Variants in PCDHA3 observed in about 807,000 individuals in gnomAD.
PCDHA3 encodes the protein protocadherin alpha-3.
In PCDHA3, 41 loss-of-function variants were observed where a neutral mutation model predicts 62.2. The ratio of observed to expected loss-of-function variants is 0.66; its 90% CI spans 0.51 to 0.86. The LOEUF is 0.86. PCDHA3 is among the 40% of genes least tolerant of loss of function. The pLI, the probability that PCDHA3 is intolerant of heterozygous loss-of-function variation, is 0.00. For missense variants in PCDHA3, 1,304 were observed against 1,241.2 expected (o/e 1.05, Z -0.76); for synonymous variants, 640 against 555.4 (o/e 1.15, Z -2.14).
At chr5:140,899,714 T>C (rs1554188719) in intron 1 of PCDHA3, among the ~76,000 whole-genome samples, 1 of 152,242 alleles carries the variant, frequency 6.6e-6, no homozygotes, top group African/African-American at 2.4e-5. Context: ...TAGGGAGGAT[T>C]CCCTCTTTTT....
At chr5:140,973,272 TC>T (rs1412629943) in intron 1 of PCDHA3, among the ~76,000 whole-genome samples, 1 of 152,134 alleles carries the variant, frequency 6.6e-6, no homozygotes, top group African/African-American at 2.4e-5. Flanking sequence ...TACTTTTATT[TC>T]CCCCAGCACT....
intron 1 of PCDHA3, chr5:140,867,929 GTTT>G (rs1459004552): frequency 6.6e-6 from 1 of 151,990 alleles, no homozygotes; most frequent in Non-Finnish European, 1.5e-5. Context: ...CACTTCCCTT[GTTT>G]TCCATGAACT....
Position 140,801,540 on chromosome 5 carries a change from C to G in PCDHA3, c.343C>G (p.Gln115Glu). ...HLEVIVDRPLQVFHVEVEVKD... is the reference protein window; with the variant it reads ...HLEVIVDRPLEVFHVEVEVKD... The stretch of plus-strand genomic sequence containing the variant: ...GGAGGTGATCGTGGACAGGCCGCTG[C>G]AGGTTTTCCATGTGGAGGTGGAAGT... Residue 115 changes from glutamine (Q) to glutamate (E), a missense_variant, in exon 1 of 4, where the codon CAG becomes GAG. Transcript: ENST00000522353. 1 of 1,614,216 alleles carries G rather than the reference C, an allele frequency of 6.2e-7. No individual in the cohort carries two copies. The highest frequency in any genetic ancestry group is 1.3e-5 in the African/African-American group (1 of 75,068).
At chr5:140,967,272 T>C in intron 1 of PCDHA3, 2 of 1,613,412 alleles carry the variant, frequency 1.2e-6, no homozygotes, top group Non-Finnish European at 1.7e-6. Flanking sequence ...CGCTTTCACA[T>C]AGAGAGTGCG....
chr5:140,968,307 A>G (rs1554230602), intron 1 of PCDHA3: 1 of 1,613,964 alleles, frequency 6.2e-7, no homozygotes, highest in South Asian at 1.1e-5. Context: ...AGGGAGATTC[A>G]AGGGCTGCCA....
rs150382315 is a variant in PCDHA3, at chr5:140,929,255, G to A, written c.2395-49694G>A. 5.2e-5 allele frequency: 84 copies of A among 1,613,256 alleles called. No homozygotes were observed. In the South Asian group the frequency reaches 8.9e-4, roughly 17 times the overall value. On this transcript the variant is annotated intron_variant, in intron 1 of 3. Coordinates refer to ENST00000522353, the MANE Select transcript of PCDHA3 (RefSeq NM_018906.3). ...CTGCGAAATCTTGCCACTGGGGTAG[G>A]ACTGAATTTGCCAATATCCTGTATT...
chr5:140,928,550 C>A (rs781857799), intron 1 of PCDHA3: 1 of 1,614,160 alleles, frequency 6.2e-7, no homozygotes, highest in South Asian at 1.1e-5. Flanking sequence ...GACAATTATC[C>A]GGTTATCTTG....
chr5:140,993,934 C>T (rs936977793), intron 3 of PCDHA3, among the ~76,000 whole-genome samples: 5 of 152,044 alleles, frequency 3.3e-5, no homozygotes, highest in African/African-American at 1.2e-4. Context: ...AGAACATATC[C>T]CCATTGTTAA....
chr5:141,007,647 A>T (rs1554261419), intron 3 of PCDHA3, among the ~76,000 whole-genome samples: 1 of 152,174 alleles, frequency 6.6e-6, no homozygotes, highest in Admixed American at 6.5e-5. Context: ...GTATTTGCCT[A>T]AAAAACCATA....
At position 140,877,299 on chromosome 5, in the gene PCDHA3, C is replaced by A. The variant is rs374061607; in HGVS notation, c.2394+73708C>A. 1,401 of 1,613,926 alleles carry A rather than the reference C, an allele frequency of 8.7e-4. 20 individuals carry two copies. The South Asian group carries it at 0.013, about 15-fold the overall frequency. On this transcript the variant is annotated intron_variant, in intron 1 of 3. Transcript: ENST00000522353. ...CCGGCTATAACGCTTGGCTGTCCTA[C>A]GAGTTGCAACCGGCGGCGGTCGGCG...
Position 140,893,497 on chromosome 5 carries a change from GA to G in PCDHA3, c.2395-85443del, listed in dbSNP as rs1157700367. Among the ~76,000 whole-genome samples the G allele has an allele frequency of 3.1e-4, 47 of 150,168 alleles. No individual in the cohort carries two copies. The Middle Eastern group carries it at 0.01, about 33-fold the overall frequency. ...GCAAGACCCTGTTCTTCACAAAAAAGAAAAAAAAAGCAGTTGTAGAACTCCT... is the reference window on the plus strand; with the variant it reads ...GCAAGACCCTGTTCTTCACAAAAAAGAAAAAAAAGCAGTTGTAGAACTCCT... On this transcript the variant is annotated intron_variant, in intron 1 of 3. Transcript: ENST00000522353.
At chr5:140,960,629 A>C (rs1370416431) in intron 1 of PCDHA3, among the ~76,000 whole-genome samples, 1 of 152,192 alleles carries the variant, frequency 6.6e-6, no homozygotes, top group Admixed American at 6.5e-5. Flanking sequence ...TTTGAAATAT[A>C]TTTTTAAAAC....
rs2150375688 is a variant in PCDHA3, at chr5:140,844,999, T to C, written c.2394+41408T>C. 8.7e-5 allele frequency among the ~76,000 whole-genome samples: 13 copies of C among 149,338 alleles called. 1 individual carries two copies. Among genetic ancestry groups the C allele is most frequent in the African/African-American group, 4.9e-5 (2 of 40,784 alleles). ...TTGTTTTAAATCTTTTAATCACTTA[T>C]GAACAAATAATGTAATCATTTATGG... On this transcript the variant is annotated intron_variant, in intron 1 of 3. Transcript: ENST00000522353.
chr5:140,862,825 C>T (rs782012901), intron 1 of PCDHA3: 2 of 572,056 alleles, frequency 3.5e-6, no homozygotes, highest in Non-Finnish European at 6.7e-6. Context: ...GGTGAGAGCG[C>T]GCGACGCGGG....
intron 1 of PCDHA3, chr5:140,861,780 G>A (rs2047084073): frequency 1.2e-5 from 2 of 161,142 alleles, no homozygotes; most frequent in African/African-American, 2.4e-5. Flanking sequence ...CCAAGAGCAG[G>A]TAAAACCACT....
At chr5:140,903,695 A>G (rs1325722558) in intron 1 of PCDHA3, among the ~76,000 whole-genome samples, 9 of 152,238 alleles carry the variant, frequency 5.9e-5, no homozygotes, top group African/African-American at 1.7e-4. Flanking sequence ...AATAGTTTAA[A>G]ATAGTAATAA....
intron 1 of PCDHA3, among the ~76,000 whole-genome samples, chr5:140,933,676 A>AT (rs1400784175): frequency 6.6e-6 from 1 of 151,552 alleles, no homozygotes; most frequent in Non-Finnish European, 1.5e-5. Context: ...TCTCTCTCAC[A>AT]TTTTTTTTCC....
At chr5:140,918,155 A>T (rs1453787502) in intron 1 of PCDHA3, among the ~76,000 whole-genome samples, 1 of 152,054 alleles carries the variant, frequency 6.6e-6, no homozygotes, top group Admixed American at 6.5e-5. Flanking sequence ...GTGTATGTCT[A>T]TTGTAAATGG....
chr5:140,973,782 C>T lies in PCDHA3; in HGVS notation c.2395-5167C>T, dbSNP rs533593200. ...CACAGCCTGGCATATTATAGGTTGCCTATTGGCATGCTGTCTACTTGACAG... is the reference window on the plus strand; with the variant it reads ...CACAGCCTGGCATATTATAGGTTGCTTATTGGCATGCTGTCTACTTGACAG... On this transcript the variant is annotated intron_variant, in intron 1 of 3. Transcript: ENST00000522353. 1.5e-3 allele frequency among the ~76,000 whole-genome samples: 225 copies of T among 152,326 alleles called. 1 individual carries two copies. Among genetic ancestry groups the T allele is most frequent in the African/African-American group, 5.2e-3 (216 of 41,582 alleles).
Sources: allele counts gnomAD v4.1 joint callset (sites outside exome capture counted in the v4.1 genomes callset), GRCh38; gene constraint gnomAD v4.1.1; transcripts MANE v1.5; gene names NCBI Gene and HGNC (gene_info 2026-07-23, HGNC 2026-07-21).